TXLNB: variants seen among roughly 807,000 people sequenced by gnomAD.
TXLNB encodes taxilin beta, also known as beta-taxilin.
TXLNB carries 37 observed loss-of-function variants against 57.4 expected under a neutral mutation model. The observed-to-expected ratio is 0.64, with a 90% CI of 0.50 to 0.85. TXLNB has a LOEUF of 0.85. TXLNB is among the 40% of genes least tolerant of loss of function. The pLI is 0.00. For missense variants in TXLNB, 848 were observed against 825.6 expected, an observed-to-expected ratio of 1.03 and a Z score of -0.33; for synonymous variants, 302 against 309.6, an observed-to-expected ratio of 0.98 and a Z score of 0.26.
At chr6:139,222,257 G>A in the TXLNB span, among the ~76,000 whole-genome samples, 1 of 152,026 alleles carries the variant, frequency 6.6e-6, no homozygotes, top group Non-Finnish European at 1.5e-5. Flanking sequence ...ATAAAAGTGT[G>A]GAGAAAGATA....
intron 5 of TXLNB, 71 bp downstream of exon 5, chr6:139,262,508 A>G (rs769248484): frequency 7.2e-7 from 1 of 1,379,408 alleles, no homozygotes; most frequent in Non-Finnish European, 9.8e-7. Flanking sequence ...TGTCTTATTA[A>G]CCAAGTTCCC....
the TXLNB span, among the ~76,000 whole-genome samples, chr6:139,193,822 T>TTTTATATATATATATATA: frequency 1.7e-4 from 16 of 92,618 alleles, 1 homozygote; most frequent in African/African-American, 3.8e-4. Context: ...CCTGGCTAAT[T>TTTTATATATATATATATA]TATATATATA....
intron 4 of TXLNB, among the ~76,000 whole-genome samples, chr6:139,267,886 C>G (rs549483557): frequency 2.2e-4 from 34 of 152,232 alleles, no homozygotes; most frequent in African/African-American, 8.2e-4. Flanking sequence ...GGCGTGGTGG[C>G]TCACACCTGT....
intron 6 of TXLNB, among the ~76,000 whole-genome samples, chr6:139,256,041 T>C (rs1018476174): frequency 2.0e-5 from 3 of 152,070 alleles, no homozygotes; most frequent in African/African-American, 7.2e-5. Flanking sequence ...ATGATGGCAC[T>C]GCTGCACTCT....
the TXLNB span, among the ~76,000 whole-genome samples, chr6:139,196,365 G>GTTTT: frequency 8.4e-3 from 328 of 38,968 alleles, 24 homozygotes; most frequent in African/African-American, 0.016. Flanking sequence ...TCCAGATCTG[G>GTTTT]TTTTTTTTTT....
intron 6 of TXLNB, among the ~76,000 whole-genome samples, chr6:139,258,453 C>T (rs1776399747): frequency 6.6e-6 from 1 of 152,114 alleles, no homozygotes; most frequent in African/African-American, 2.4e-5. Context: ...TGTTTTATTT[C>T]TTGCTTTCAG....
chr6:139,276,160 T>C (rs183312590), intron 3 of TXLNB, among the ~76,000 whole-genome samples: 22 of 152,350 alleles, frequency 1.4e-4, no homozygotes, highest in African/African-American at 5.1e-4. Flanking sequence ...ACTCCTATAG[T>C]ATTCTGGTAT....
chr6:139,246,961 G>A (rs530108272), intron 8 of TXLNB, among the ~76,000 whole-genome samples: 1 of 151,762 alleles, frequency 6.6e-6, no homozygotes, highest in East Asian at 1.9e-4. Flanking sequence ...GAATTGATGA[G>A]TAAGACCACT....
At chr6:139,222,382 A>G in the TXLNB span, among the ~76,000 whole-genome samples, 1 of 152,236 alleles carries the variant, frequency 6.6e-6, no homozygotes, top group Non-Finnish European at 1.5e-5. Context: ...TTAAGGCAAT[A>G]AGCAATACTA....
the TXLNB span, among the ~76,000 whole-genome samples, chr6:139,186,854 A>T: frequency 1.1e-4 from 16 of 152,246 alleles, no homozygotes; most frequent in African/African-American, 3.9e-4. Context: ...AAGAAGCCAG[A>T]GAAAAAGACT....
At chr6:139,239,875 C>T (rs1775887216), downstream of TXLNB, among the ~76,000 whole-genome samples, 1 of 152,050 alleles carries the variant, frequency 6.6e-6, no homozygotes, top group East Asian at 1.9e-4. The surrounding 1 kb of genome is among the most constrained non-coding windows in gnomAD (Gnocchi z 4.7). Context: ...GTCACATACA[C>T]ACACACACAC....
chr6:139,262,903 C>G, intron 4 of TXLNB, 130 bp from the exon 5 acceptor site: 2 of 814,040 alleles, frequency 2.5e-6, no homozygotes. Context: ...AGAGCTAAAG[C>G]TGCTCAGCCC....
At chr6:139,307,383 C>T in the TXLNB span, among the ~76,000 whole-genome samples, 1 of 152,186 alleles carries the variant, frequency 6.6e-6, no homozygotes, top group East Asian at 1.9e-4. Context: ...GGAACAAGGT[C>T]TTGCTATGTT....
the TXLNB span, among the ~76,000 whole-genome samples, chr6:139,309,081 T>C: frequency 1.3e-5 from 2 of 152,194 alleles, no homozygotes; most frequent in African/African-American, 4.8e-5. Flanking sequence ...AGCTGGAACT[T>C]TGAATCTGGG....
At chr6:139,260,214 T>A in intron 6 of TXLNB, 104 bp downstream of exon 6, 1 of 1,310,990 alleles carries the variant, frequency 7.6e-7, no homozygotes, top group Non-Finnish European at 1.0e-6. Context: ...AACGAGACTC[T>A]GTCTCAAATA....
rs1395071249 is a variant in TXLNB at position 139,260,298 on chromosome 6, A to G, written c.1002+20T>C. ...CACTGAGGTAGACCAGATATGCACA[A>G]CGACTAAAATGATAAATACATATTC... is the stretch of plus-strand genomic sequence containing the variant. On this transcript the variant is annotated intron_variant, in intron 6 of 9. Transcript: ENST00000358430. 5 of 1,613,342 alleles carry G rather than the reference A, an allele frequency of 3.1e-6. No individual in the cohort carries two copies. Among genetic ancestry groups the G allele is most frequent in the East Asian group, 2.2e-5 (1 of 44,892 alleles).
chr6:139,276,333 A>G (rs1435567932), intron 3 of TXLNB, among the ~76,000 whole-genome samples: 7 of 152,208 alleles, frequency 4.6e-5, no homozygotes, highest in Non-Finnish European at 1.0e-4. Flanking sequence ...AATAAATTCA[A>G]TTGTTTGTTC....
the TXLNB span, chr6:139,200,062 A>T: frequency 6.6e-6 from 1 of 152,272 alleles, no homozygotes; most frequent in African/African-American, 2.4e-5. Context: ...CCAGGTGATC[A>T]AGGCGGGCCC....
At chr6:139,201,771 T>C in the TXLNB span, 10 of 152,356 alleles carry the variant, frequency 6.6e-5, no homozygotes, top group African/African-American at 2.4e-4. Flanking sequence ...GGTTTGTCTG[T>C]ATTTTTATTT....
Sources: allele counts gnomAD v4.1 joint callset (sites outside exome capture counted in the v4.1 genomes callset), GRCh38; gene constraint gnomAD v4.1.1; non-coding constraint Gnocchi (gnomAD v3.1); transcripts MANE v1.5; gene names NCBI Gene and HGNC (gene_info 2026-07-23, HGNC 2026-07-21).